Variants in CADM1 observed in about 807,000 individuals in gnomAD.
CADM1 encodes cell adhesion molecule 1.
Under a neutral mutation model 53.1 loss-of-function variants are expected in CADM1, and 15 were observed. The ratio of observed to expected loss-of-function variants is 0.28; its 90% CI spans 0.19 to 0.44. CADM1 has a LOEUF of 0.44. Among genes scored for constraint, CADM1 ranks in the 20% least tolerant of loss-of-function variants. The pLI, the probability that CADM1 is intolerant of heterozygous loss-of-function variation, is 1.00. For missense variants in CADM1, 434 were observed against 611.3 expected, an observed-to-expected ratio of 0.71 and a Z score of 3.06; for synonymous variants, 281 against 243.0, an observed-to-expected ratio of 1.16 and a Z score of -1.45.
chr11:115,439,741 T>C (rs1174787254), intron 1 of CADM1, among the ~76,000 whole-genome samples: 2 of 152,176 alleles, frequency 1.3e-5, no homozygotes, highest in Non-Finnish European at 2.9e-5. Context: ...AGAGAGAGAA[T>C]CCATAACACT....
intron 3 of CADM1, among the ~76,000 whole-genome samples, chr11:115,233,150 G>A (rs1941883477): frequency 1.3e-5 from 2 of 152,134 alleles, no homozygotes; most frequent in Admixed American, 6.5e-5. Flanking sequence ...GGTGGTGGTG[G>A]CGGGGGGTGT....
At chr11:115,489,852 G>A (rs1465286448) in intron 1 of CADM1, among the ~76,000 whole-genome samples, 1 of 152,224 alleles carries the variant, frequency 6.6e-6, no homozygotes, top group Non-Finnish European at 1.5e-5. Context: ...AATCTTGAGA[G>A]AGATGTAGGA....
intron 1 of CADM1, among the ~76,000 whole-genome samples, chr11:115,356,452 C>T (rs11215512): frequency 0.36 from 54,939 of 151,820 alleles, 10,406 homozygotes; most frequent in Non-Finnish European, 0.43. Flanking sequence ...ACATTTTTCA[C>T]TGGCCCTCCA....
intron 1 of CADM1, among the ~76,000 whole-genome samples, chr11:115,381,071 T>C (rs1591763463): frequency 6.6e-6 from 1 of 151,658 alleles, no homozygotes; most frequent in Non-Finnish European, 1.5e-5. Flanking sequence ...CTGAGGCAGG[T>C]GGATCACAAG....
chr11:115,455,596 G>A (rs926201134), intron 1 of CADM1, among the ~76,000 whole-genome samples: 4 of 152,152 alleles, frequency 2.6e-5, no homozygotes, highest in Non-Finnish European at 5.9e-5. Context: ...TGCCAGGAAA[G>A]TCACACATGT....
At chr11:115,250,983 G>C (rs1942587287) in intron 1 of CADM1, among the ~76,000 whole-genome samples, 1 of 152,214 alleles carries the variant, frequency 6.6e-6, no homozygotes, top group African/African-American at 2.4e-5. Flanking sequence ...TGAATTTATA[G>C]TATCTCATTT....
At chr11:115,213,694 G>T (rs1565301881) in intron 7 of CADM1, among the ~76,000 whole-genome samples, 1 of 151,930 alleles carries the variant, frequency 6.6e-6, no homozygotes, top group Non-Finnish European at 1.5e-5. Context: ...CTTATATTTG[G>T]ATTATTTACA....
intron 10 of CADM1, among the ~76,000 whole-genome samples, chr11:115,188,179 A>G (rs1224599515): frequency 1.3e-5 from 2 of 152,214 alleles, no homozygotes; most frequent in African/African-American, 2.4e-5. Context: ...TAGAAGGATA[A>G]ATATGCTTAA....
intron 1 of CADM1, among the ~76,000 whole-genome samples, chr11:115,296,176 C>T (rs1329949878): frequency 2.0e-5 from 3 of 152,170 alleles, no homozygotes; most frequent in African/African-American, 7.2e-5. Context: ...GTCTTAAACT[C>T]CTGGGCTCAA....
intron 1 of CADM1, among the ~76,000 whole-genome samples, chr11:115,345,873 A>AT (rs775121619): frequency 5.3e-5 from 8 of 152,102 alleles, no homozygotes; most frequent in South Asian, 4.2e-4. Flanking sequence ...TTTCAACTTG[A>AT]TTTTTTTTAA....
At chr11:115,367,801 AG>A (rs1272845518) in intron 1 of CADM1, among the ~76,000 whole-genome samples, 7 of 152,104 alleles carry the variant, frequency 4.6e-5, no homozygotes, top group Non-Finnish European at 8.8e-5. Flanking sequence ...CTCCAGAAGT[AG>A]ATACTTTATA....
intron 1 of CADM1, among the ~76,000 whole-genome samples, chr11:115,341,733 G>A (rs548174430): frequency 5.9e-5 from 9 of 152,266 alleles, no homozygotes; most frequent in South Asian, 4.1e-4. Flanking sequence ...TGTATTTACC[G>A]GTGTGTGACA....
At chr11:115,191,141 A>C in intron 9 of CADM1, 200 bp from the exon 10 acceptor site, 1 of 567,716 alleles carries the variant, frequency 1.8e-6, no homozygotes, top group Non-Finnish European at 3.2e-6. Flanking sequence ...CGAGGCAGAA[A>C]GATTCCTCAG....
At chr11:115,415,823 C>CAAAAA (rs71066426) in intron 1 of CADM1, among the ~76,000 whole-genome samples, 2 of 43,702 alleles carry the variant, frequency 4.6e-5, no homozygotes, top group African/African-American at 1.2e-4. Context: ...AGACTGTCTC[C>CAAAAA]AAAAAAAAAA....
Position 115,209,591 on chromosome 11 carries a change from A to ATGGTGGTGGTGGTGGTGGTGGTGG in CADM1, c.1037_1060dup (p.Thr346_Thr353dup). On this transcript the variant is annotated inframe_insertion, in exon 8 of 12. Coordinates refer to ENST00000331581, the MANE Select transcript of CADM1 (RefSeq NM_001301043.2). ...TACCATACCTGTGATGATGGTAAGG[A>ATGGTGGTGGTGGTGGTGGTGGTGG]TGGTGGTGGTGGTGGTGGTGGTGGT... 1 of 924,902 alleles carries ATGGTGGTGGTGGTGGTGGTGGTGG rather than the reference A, an allele frequency of 1.1e-6. No individual in the cohort carries two copies. Among genetic ancestry groups the ATGGTGGTGGTGGTGGTGGTGGTGG allele is most frequent in the Non-Finnish European group, 1.7e-6 (1 of 595,550 alleles). 57.3% of individuals were successfully genotyped at this position (924,902 alleles called of 1,614,324 possible).
intron 1 of CADM1, among the ~76,000 whole-genome samples, chr11:115,473,096 GC>G (rs1949050879): frequency 6.6e-6 from 1 of 152,202 alleles, no homozygotes; most frequent in African/African-American, 2.4e-5. Context: ...TCATTTGCTA[GC>G]TGAATCATCT....
intron 1 of CADM1, among the ~76,000 whole-genome samples, chr11:115,248,761 A>G (rs1942494415): frequency 2.0e-5 from 3 of 152,146 alleles, no homozygotes; most frequent in Admixed American, 2.0e-4. Context: ...AACTCTCTCT[A>G]GTGGACAGGT....
chr11:115,504,275 G>A lies in CADM1; in HGVS notation c.120C>T (p.Pro40=). ...CCGGTCGGTGCCCACACCTACCTGTGGGGATCAGTGCCGCGGCGGAGAAGA... is the reference window on the plus strand; with the variant it reads ...CCGGTCGGTGCCCACACCTACCTGTAGGGATCAGTGCCGCGGCGGAGAAGA... The part of the protein sequence containing the change: ...LLLFSAAALI[P]TGDGQNLFTK... The change falls in exon 1 of 12, where the codon CCC becomes CCT. Residue 40 remains proline (P), a synonymous_variant. Coordinates refer to ENST00000331581, the MANE Select transcript of CADM1 (RefSeq NM_001301043.2). The A allele has an allele frequency of 6.4e-7, 1 of 1,572,780 alleles. No individual in the cohort carries two copies. The highest frequency in any genetic ancestry group is 8.6e-7 in the Non-Finnish European group (1 of 1,159,718).
intron 1 of CADM1, among the ~76,000 whole-genome samples, chr11:115,412,844 T>C (rs1346112371): frequency 2.0e-5 from 3 of 152,044 alleles, no homozygotes; most frequent in Admixed American, 2.0e-4. Flanking sequence ...CGCACCATAA[T>C]GGAAGAATGC....
Sources: gnomAD v4.1 joint callset for allele counts (sites outside exome capture counted in the v4.1 genomes callset) on GRCh38, gnomAD v4.1.1 for gene constraint, MANE v1.5 for transcripts, NCBI Gene and HGNC (gene_info 2026-07-23, HGNC 2026-07-21) for gene names.